The following DSP variants were observed in gnomAD, a reference collection of about 807,000 sequenced individuals.
DSP encodes 250/210 kDa paraneoplastic pemphigus antigen.
Under a neutral mutation model 290.6 loss-of-function variants are expected in DSP, and 114 were observed. The observed-to-expected ratio is 0.39, with a 90% CI of 0.34 to 0.46. The LOEUF is 0.46. Ranked by LOEUF, DSP falls within the 20% of genes least tolerant of loss-of-function variation. The probability of loss-of-function intolerance (pLI) is 0.99; values close to 1 mark genes in which losing one functional copy is unlikely to be tolerated. For missense variants in DSP, 3,230 were observed against 3,495.8 expected (o/e 0.92, Z 1.92); for synonymous variants, 1,311 against 1,316.4 (o/e 1.00, Z 0.09).
chr6:7,566,237 C>T, intron 7 of DSP, 140 bp from the exon 8 acceptor site: 1 of 739,710 alleles, frequency 1.4e-6, no homozygotes, highest in African/African-American at 1.7e-5. Flanking sequence ...TGCTGTGATT[C>T]TTGAGGAAAA....
intron 13 of DSP, 126 bp from the exon 14 acceptor site, chr6:7,571,257 T>G (rs1207673699): frequency 1.1e-6 from 1 of 900,064 alleles, no homozygotes; most frequent in Non-Finnish European, 1.9e-6. Context: ...CTTTTATATC[T>G]TAATGAGCCT....
intron 13 of DSP, among the ~76,000 whole-genome samples, chr6:7,570,913 A>C (rs1397448847): frequency 1.3e-5 from 2 of 152,142 alleles, no homozygotes; most frequent in African/African-American, 2.4e-5. Flanking sequence ...CAAAAGTAAA[A>C]GGTGGGATAG....
chr6:7,548,602 T>C (rs543323800), intron 1 of DSP, among the ~76,000 whole-genome samples: 287 of 152,310 alleles, frequency 1.9e-3, no homozygotes, highest in African/African-American at 6.5e-3. Context: ...ACACACAGTG[T>C]GAAAATCGAG....
In DSP at chr6:7,541,873, C is replaced by T. The variant is rs1465135902; in HGVS notation, c.-43C>T. ...GCTTTCTCCGCGCCGGCCCGCCTCG[C>T]TTATGCCTCGGCGCTGAGCCGCTCT... On this transcript the variant is annotated 5_prime_UTR_variant, in exon 1 of 24. Transcript: ENST00000379802. The T allele has an allele frequency of 2.5e-6, 4 of 1,583,352 alleles. No individual in the cohort carries two copies. In the South Asian group the frequency reaches 4.6e-5, roughly 18 times the overall value.
intron 1 of DSP, among the ~76,000 whole-genome samples, chr6:7,547,619 T>G (rs1758204852): frequency 7.4e-6 from 1 of 135,008 alleles, no homozygotes; most frequent in Non-Finnish European, 1.6e-5. Context: ...TTTTTTTTTG[T>G]AGAGACAAGG....
chr6:7,566,348 C>A, intron 7 of DSP, 29 bp from the exon 8 acceptor site: 1 of 1,579,904 alleles, frequency 6.3e-7, no homozygotes, highest in Non-Finnish European at 8.7e-7. Flanking sequence ...TGACTTGCTG[C>A]AAAGGATTTC....
intron 6 of DSP, among the ~76,000 whole-genome samples, chr6:7,563,998 A>G (rs540083120): frequency 6.6e-4 from 100 of 152,270 alleles, no homozygotes; most frequent in Non-Finnish European, 1.3e-3. Context: ...CATGTTCACC[A>G]TGTTAACCAG....
chr6:7,566,542 T>A (rs1758870812), intron 8 of DSP, 61 bp downstream of exon 8: 1 of 1,313,592 alleles, frequency 7.6e-7, no homozygotes, highest in Non-Finnish European at 1.1e-6. Context: ...AAAGTAAGAC[T>A]AACCAAATGA....
intron 11 of DSP, 112 bp from the exon 12 acceptor site, chr6:7,569,074 C>A: frequency 6.9e-7 from 1 of 1,452,340 alleles, no homozygotes; most frequent in Non-Finnish European, 9.5e-7. Context: ...AGGGGAAAAA[C>A]GTAAAAGCTT....
In DSP at chr6:7,584,636, G is replaced by A. The variant is rs778068911; in HGVS notation, c.7374G>A (p.Lys2458=). The change falls in exon 24 of 24, where the codon AAG becomes AAA. Residue 2458 remains lysine (K), a synonymous_variant. Coordinates refer to ENST00000379802, the MANE Select transcript of DSP (RefSeq NM_004415.4). This position sits in a 1 kb window ranked among gnomAD's most constrained non-coding sequence, Gnocchi z 6.4. ...AGAAACAGGTGCAGACATCACAAAA[G>A]AATACCCTCAGGAAGCGTAGAGTGG... ...EKKKQVQTSQ[K]NTLRKRRVVI... is the part of the protein sequence containing the mutation. 1 of 1,613,998 alleles carries A rather than the reference G, an allele frequency of 6.2e-7. No homozygotes were observed. The highest frequency in any genetic ancestry group is 1.7e-5 in the Admixed American group (1 of 60,006).
chr6:7,576,186 T>C, intron 18 of DSP, 108 bp from the exon 19 acceptor site: 2 of 1,244,232 alleles, frequency 1.6e-6, no homozygotes, highest in Admixed American at 4.2e-5. Context: ...TATGTGGGAA[T>C]ATGATCAGTT....
At chr6:7,572,971 T>TC (rs1759100319) in intron 15 of DSP, among the ~76,000 whole-genome samples, 1 of 152,176 alleles carries the variant, frequency 6.6e-6, no homozygotes. Flanking sequence ...TACAGTATTA[T>TC]AATCTTACGG....
rs769072227 is a variant in DSP at position 7,584,989 on chromosome 6, G to T, written c.7727G>T (p.Gly2576Val). The T allele has an allele frequency of 6.2e-7, 1 of 1,614,188 alleles. No individual in the cohort carries two copies. The highest frequency in any genetic ancestry group is 1.1e-5 in the South Asian group (1 of 91,086). Residue 2576 changes from glycine (G) to valine (V), a missense_variant, in exon 24 of 24, where the codon GGT (glycine) becomes GTT (valine). This residue lies in a region of DSP where 582 missense variants were observed against 555.4 expected (regional missense o/e 1.05). Transcript: ENST00000379802. This position sits in a 1 kb window ranked among gnomAD's most constrained non-coding sequence, Gnocchi z 6.4. ...GVGTSSSMGS[G>V]VSDDVFSSSR... ...GGCACCAGCAGCAGCATGGGCAGTGGTGTCAGCGATGATGTTTTTAGCAGC... is the reference window on the plus strand; with the variant it reads ...GGCACCAGCAGCAGCATGGGCAGTGTTGTCAGCGATGATGTTTTTAGCAGC...
intron 19 of DSP, 74 bp from the exon 20 acceptor site, chr6:7,576,884 TA>T (rs1759256621): frequency 2.3e-6 from 3 of 1,284,590 alleles, no homozygotes; most frequent in Admixed American, 1.8e-5. Flanking sequence ...ATAACAGTGG[TA>T]AAAGAGTGAA....
chr6:7,580,083 T>C lies in DSP; in HGVS notation c.3893T>C (p.Val1298Ala). The C allele has an allele frequency of 1.2e-6, 2 of 1,613,740 alleles. No individual in the cohort carries two copies. The highest frequency in any genetic ancestry group is 1.7e-6 in the Non-Finnish European group (2 of 1,179,910). The change falls in exon 23 of 24, where the codon GTC becomes GCC. Residue 1298 changes from valine to alanine, a missense_variant. By Grantham distance (64) the Val-to-Ala change is moderately conservative. This residue lies in a region of DSP where 1,714 missense variants were observed against 1,844.5 expected (regional missense o/e 0.93). Coordinates refer to ENST00000379802, the MANE Select transcript of DSP (RefSeq NM_004415.4). This position sits in a 1 kb window ranked among gnomAD's most constrained non-coding sequence, Gnocchi z 4.2. ...CATCTGGAGATAGAACTGAAGCAGG[T>C]CATGCAGCAGCGCTCTGAGGACAAT... ...KQHLEIELKQ[V>A]MQQRSEDNAR...
chr6:7,560,811 A>C (rs971386283), intron 4 of DSP, among the ~76,000 whole-genome samples: 3 of 152,184 alleles, frequency 2.0e-5, no homozygotes, highest in Non-Finnish European at 4.4e-5. Context: ...AAGTTTTCTT[A>C]GTATGACAGT....
rs1475829163 is a variant in DSP at position 7,542,101 on chromosome 6, G to A, written c.170+16G>A. ...ACGGCTACTGGTGGGTACCTGCCCG[G>A]AGAGCGCGGGCTGCGGGGCTCGCGG... On this transcript the variant is annotated intron_variant, in intron 1 of 23. Coordinates refer to ENST00000379802, the MANE Select transcript of DSP (RefSeq NM_004415.4). 4 of 1,553,602 alleles carry A rather than the reference G, an allele frequency of 2.6e-6. No individual in the cohort carries two copies. The highest frequency in any genetic ancestry group is 3.5e-6 in the Non-Finnish European group (4 of 1,148,774).
rs144275591 is a variant in DSP at position 7,585,281 on chromosome 6, C to A, written c.8019C>A (p.Asp2673Glu). Residue 2673 changes from aspartate to glutamate, a missense_variant, in exon 24 of 24, where the codon GAC (aspartate) becomes GAA (glutamate). Physicochemically the swap from Asp to Glu is conservative, Grantham distance 45 (BLOSUM62 2). Coordinates refer to ENST00000379802, the MANE Select transcript of DSP (RefSeq NM_004415.4). ...CGGGCCAGAAGCTGTCACTTCAGGA[C>A]GCAGTCTCCCAGGGTGTGATTGACC... is the stretch of plus-strand genomic sequence containing the variant. Reference protein sequence around the residue: ...PTTGQKLSLQDAVSQGVIDQD... With the variant: ...PTTGQKLSLQEAVSQGVIDQD... 1 of 1,614,166 alleles carries A rather than the reference C, an allele frequency of 6.2e-7. No individual in the cohort carries two copies. The highest frequency in any genetic ancestry group is 1.3e-5 in the African/African-American group (1 of 75,036).
chr6:7,572,233 A>G (rs1759078379), intron 15 of DSP, among the ~76,000 whole-genome samples, 165 bp downstream of exon 15: 1 of 152,122 alleles, frequency 6.6e-6, no homozygotes, highest in South Asian at 2.1e-4. Flanking sequence ...AAATTTGTAG[A>G]CGGTTATCAG....
Sources: allele counts gnomAD v4.1 joint callset (sites outside exome capture counted in the v4.1 genomes callset), GRCh38; gene constraint gnomAD v4.1.1; regional missense constraint gnomAD v4.1.1; non-coding constraint Gnocchi (gnomAD v3.1); transcripts MANE v1.5; gene names NCBI Gene and HGNC (gene_info 2026-07-23, HGNC 2026-07-21).